CDH1: variants seen among roughly 807,000 people sequenced by gnomAD.
CDH1 encodes cadherin 1, also known as cadherin-1.
CDH1 carries 35 observed loss-of-function variants against 84.5 expected under a neutral mutation model. The ratio of observed to expected loss-of-function variants is 0.41; its 90% CI spans 0.32 to 0.55. The LOEUF (loss-of-function observed/expected upper bound fraction) is 0.55. CDH1 is among the 20% of genes least tolerant of loss of function. The pLI is 0.19. For synonymous variants in CDH1, 417 were observed against 439.0 expected (o/e 0.95, Z 0.63); for missense variants, 994 against 1,126.6 (o/e 0.88, Z 1.68).
rs963134222 is a variant in CDH1, at chr16:68,813,276, T to A, written c.1138-37T>A. 5 of 1,606,938 alleles carry A rather than the reference T, an allele frequency of 3.1e-6. No individual in the cohort carries two copies. In the African/African-American group the frequency reaches 5.4e-5, roughly 17 times the overall value. On this transcript the variant is annotated intron_variant, in intron 8 of 15. Coordinates refer to ENST00000261769, the MANE Select transcript of CDH1 (RefSeq NM_004360.5). ...TGAGACTCAGCTCTGCTAGCAGTCT[T>A]GGTACTTTGTAAATGACACATCTCT...
At chr16:68,743,439 C>T (rs1281003486) in intron 2 of CDH1, among the ~76,000 whole-genome samples, 10 of 151,534 alleles carry the variant, frequency 6.6e-5, no homozygotes. Context: ...GATCTCAGCT[C>T]ACTGCAACCC....
At chr16:68,816,326 C>T (rs1397707089) in intron 10 of CDH1, among the ~76,000 whole-genome samples, 4 of 152,176 alleles carry the variant, frequency 2.6e-5, no homozygotes, top group Non-Finnish European at 4.4e-5. Flanking sequence ...GTATTGTGTT[C>T]TAAGTAGCTT....
In CDH1 at chr16:68,814,080, CA is replaced by C. The variant is rs368893380; in HGVS notation, c.1320+590del. 8.8e-3 allele frequency among the ~76,000 whole-genome samples: 1,325 copies of C among 150,658 alleles called. 19 individuals carry two copies. The highest frequency in any genetic ancestry group is 0.03 in the African/African-American group (1,232 of 40,898). On this transcript the variant is annotated intron_variant, in intron 9 of 15. Transcript: ENST00000261769. ...TGAAACCCCATCTCTACTAAAAATA[CA>C]AAAATTAGCTGGGCATGGTGGTGTG... is the stretch of plus-strand genomic sequence containing the variant.
chr16:68,828,809 C>T (rs1409782984), intron 14 of CDH1, among the ~76,000 whole-genome samples: 1 of 152,142 alleles, frequency 6.6e-6, no homozygotes, highest in Non-Finnish European at 1.5e-5. Context: ...GTCCAGGGAA[C>T]TGTTCAGTGT....
At chr16:68,771,678 G>C (rs1283436385) in intron 2 of CDH1, among the ~76,000 whole-genome samples, 3 of 151,366 alleles carry the variant, frequency 2.0e-5, no homozygotes, top group Non-Finnish European at 4.4e-5. Context: ...CTTGAACCCA[G>C]GAGGTGGAGG....
chr16:68,830,049 G>A (rs1005415970), intron 15 of CDH1, among the ~76,000 whole-genome samples: 5 of 151,076 alleles, frequency 3.3e-5, no homozygotes, highest in African/African-American at 9.8e-5. Context: ...CCTCTGCCCG[G>A]GTTCAAGCGA....
At chr16:68,810,716 A>C (rs1960797587) in intron 6 of CDH1, among the ~76,000 whole-genome samples, 1 of 151,902 alleles carries the variant, frequency 6.6e-6, no homozygotes, top group African/African-American at 2.4e-5. Context: ...ATACAAAAAA[A>C]TTAGCCGGTC....
Position 68,737,394 on chromosome 16 carries a change from C to T in CDH1, c.-22C>T, listed in dbSNP as rs730881659. 1 of 1,530,048 alleles carries T rather than the reference C, an allele frequency of 6.5e-7. No individual in the cohort carries two copies. Among genetic ancestry groups the T allele is most frequent in the Non-Finnish European group, 8.7e-7 (1 of 1,144,504 alleles). The allele number at this position is 1,530,048 out of a possible 1,614,324, so 94.8% of individuals were successfully genotyped here. ...CCCGACCGCACCCGGCGCCTGCCCTCGCTCGGCGTCCCCGGCCAGCCATGG... is the reference window on the plus strand; with the variant it reads ...CCCGACCGCACCCGGCGCCTGCCCTTGCTCGGCGTCCCCGGCCAGCCATGG... On this transcript the variant is annotated 5_prime_UTR_variant, in exon 1 of 16. Transcript: ENST00000261769.
At chr16:68,821,927 C>A in intron 11 of CDH1, 74 bp from the exon 12 acceptor site, 2 of 1,184,920 alleles carry the variant, frequency 1.7e-6, no homozygotes, top group Non-Finnish European at 2.5e-6. Context: ...AAGATCTAGA[C>A]TTGGTCTGGT....
At chr16:68,785,001 A>G (rs780689516) in intron 2 of CDH1, among the ~76,000 whole-genome samples, 2 of 151,992 alleles carry the variant, frequency 1.3e-5, no homozygotes, top group Non-Finnish European at 2.9e-5. Context: ...TGAATAGGTT[A>G]TATGTTCACA....
chr16:68,745,549 A>AATATATATATATGT (rs1555510457), intron 2 of CDH1, among the ~76,000 whole-genome samples: 4 of 75,190 alleles, frequency 5.3e-5, no homozygotes, highest in East Asian at 4.0e-4. Flanking sequence ...AAAAAAAAAA[A>AATATATATATATGT]ATATATATAT....
rs779225297 is a variant in CDH1, at chr16:68,801,671, G to T, written c.165G>T (p.Val55=). The change falls in exon 3 of 16, where the codon GTG becomes GTT. Residue 55 remains valine (V), a splice_region_variant and synonymous_variant. Transcript: ENST00000261769. ...ATCTCTGTGATTTCTGCCCTGCAGT[G>T]AATTTTGAAGATTGCACCGGTCGAC... ...HLERGRVLGR[V]NFEDCTGRQR... is the part of the protein sequence containing the mutation. 1.2e-6 allele frequency: 2 copies of T among 1,612,978 alleles called. No individual in the cohort carries two copies. Among genetic ancestry groups the T allele is most frequent in the South Asian group, 1.1e-5 (1 of 91,054 alleles).
At chr16:68,824,078 C>A (rs983845077) in intron 13 of CDH1, among the ~76,000 whole-genome samples, 1 of 148,574 alleles carries the variant, frequency 6.7e-6, no homozygotes, top group South Asian at 2.1e-4. Context: ...GCTCACTGCA[C>A]CCTCTGCTTA....
chr16:68,743,075 A>G (rs1054843079), intron 2 of CDH1, among the ~76,000 whole-genome samples: 1 of 152,154 alleles, frequency 6.6e-6, no homozygotes, highest in East Asian at 1.9e-4. Context: ...CCTCTCTGCC[A>G]GGTGGTTATG....
In CDH1 at chr16:68,834,777, G is replaced by A. The variant is rs1161542371; in HGVS notation, c.*1278G>A. ...TCATTAATGTTTATTTAGCTCTGAA[G>A]CAAGAGTGATATACTCCAGGACTTA... On this transcript the variant is annotated 3_prime_UTR_variant, in exon 16 of 16. Transcript: ENST00000261769. The A allele has an allele frequency of 4.3e-6, 1 of 231,878 alleles. No homozygotes were observed. The highest frequency in any genetic ancestry group is 8.5e-6 in the Non-Finnish European group (1 of 116,962). The allele number at this position is 231,878 out of a possible 1,614,324, so 14.4% of individuals were successfully genotyped here.
intron 2 of CDH1, among the ~76,000 whole-genome samples, chr16:68,748,189 C>A (rs1186204947): frequency 6.7e-6 from 1 of 149,558 alleles, no homozygotes; most frequent in African/African-American, 2.5e-5. Flanking sequence ...CTCGGCTCAC[C>A]GCAACCTCCG....
intron 2 of CDH1, among the ~76,000 whole-genome samples, chr16:68,786,044 C>T (rs1004328161): frequency 2.6e-5 from 4 of 152,204 alleles, no homozygotes; most frequent in African/African-American, 9.7e-5. Flanking sequence ...GTGGTAGCAA[C>T]AGTACCACAG....
chr16:68,829,594 C>T, intron 14 of CDH1, 60 bp from the exon 15 acceptor site: 1 of 1,509,550 alleles, frequency 6.6e-7, no homozygotes, highest in Non-Finnish European at 9.2e-7. Flanking sequence ...GAACATAGCC[C>T]TGTGTGTATG....
At chr16:68,782,685 C>T (rs984764041) in intron 2 of CDH1, among the ~76,000 whole-genome samples, 3 of 152,138 alleles carry the variant, frequency 2.0e-5, no homozygotes, top group Admixed American at 1.3e-4. Context: ...GTTCTTTCTT[C>T]TCTCCGCTGG....
Sources: gnomAD v4.1 joint callset for allele counts (sites outside exome capture counted in the v4.1 genomes callset) on GRCh38, gnomAD v4.1.1 for gene constraint, MANE v1.5 for transcripts, NCBI Gene and HGNC (gene_info 2026-07-23, HGNC 2026-07-21) for gene names.